Variants in ORC5 observed in about 807,000 individuals in gnomAD.
ORC5 encodes protein phosphatase 1, regulatory subunit 117.
A neutral mutation model predicts 58.8 loss-of-function variants in ORC5; 39 were observed. The observed-to-expected ratio is 0.66, with a 90% CI of 0.51 to 0.87. The LOEUF is 0.87. Among genes scored for constraint, ORC5 ranks in the 40% least tolerant of loss-of-function variants. The pLI, the probability that ORC5 is intolerant of heterozygous loss-of-function variation, is 0.00. For missense variants in ORC5, 493 were observed against 506.3 expected (o/e 0.97, Z 0.25); for synonymous variants, 218 against 177.6 (o/e 1.23, Z -1.81).
intron 4 of ORC5, among the ~76,000 whole-genome samples, chr7:104,196,138 A>C (rs1799795748): frequency 6.6e-6 from 1 of 152,204 alleles, no homozygotes; most frequent in African/African-American, 2.4e-5. Flanking sequence ...TGTAATTGAA[A>C]CTAAAAAACG....
intron 11 of ORC5, 76 bp downstream of exon 11, chr7:104,165,154 AAATAC>A: frequency 2.8e-6 from 2 of 719,624 alleles, no homozygotes; most frequent in South Asian, 3.5e-5. Flanking sequence ...TTCAAATGAC[AAATAC>A]AATTACAGAT....
Position 104,207,825 on chromosome 7 carries a change from T to A in ORC5, c.72+8A>T, listed in dbSNP as rs527372092. ...TCCAGGATCTGGAAGACAGTTTAACTACAATACCTCTCCAAACAAGGACTG... is the reference window on the plus strand; with the variant it reads ...TCCAGGATCTGGAAGACAGTTTAACAACAATACCTCTCCAAACAAGGACTG... On this transcript the variant is annotated splice_region_variant and intron_variant, in intron 1 of 13. Transcript: ENST00000297431. The A allele has an allele frequency of 6.2e-7, 1 of 1,612,772 alleles. No homozygotes were observed. The highest frequency in any genetic ancestry group is 1.1e-5 in the South Asian group (1 of 91,054).
intron 12 of ORC5, among the ~76,000 whole-genome samples, chr7:104,140,904 T>C (rs1798663509): frequency 1.3e-5 from 2 of 152,332 alleles, no homozygotes; most frequent in South Asian, 4.1e-4. Context: ...CTGAAAAGGT[T>C]TGCTGACCTC....
chr7:104,130,103 G>A (rs1318038901), intron 13 of ORC5, among the ~76,000 whole-genome samples: 1 of 150,616 alleles, frequency 6.6e-6, no homozygotes, highest in East Asian at 1.9e-4. Context: ...ACAACTTTAA[G>A]TTGTAACCTC....
rs990375125 is a variant in ORC5 at position 104,166,853 on chromosome 7, T to C, written c.909A>G (p.Pro303=). 2.5e-6 allele frequency: 4 copies of C among 1,611,616 alleles called. No individual in the cohort carries two copies. Among genetic ancestry groups the C allele is most frequent in the South Asian group, 1.1e-5 (1 of 90,930 alleles). ...GLSAHTHVEL[P]YYSKFILIAA... Reference sequence around the variant, plus strand: ...CAATTAGAATGAACTTAGAGTAATATGGAAGTTCCACATGAGTATGCGCTG... The same window carrying C: ...CAATTAGAATGAACTTAGAGTAATACGGAAGTTCCACATGAGTATGCGCTG... The change falls in exon 10 of 14, where the codon CCA becomes CCG. Residue 303 remains proline, a synonymous_variant. Coordinates refer to ENST00000297431, the MANE Select transcript of ORC5 (RefSeq NM_002553.4).
rs201585797 is a variant in ORC5 at position 104,168,443 on chromosome 7, C to T, written c.877+30G>A. ...TGATAATTAGCTGAAGAAGTATCTC[C>T]GGTAACTGTCTCAATACTTCCTCTG... On this transcript the variant is annotated intron_variant, in intron 9 of 13. Transcript: ENST00000297431. 63 of 1,604,860 alleles carry T rather than the reference C, an allele frequency of 3.9e-5. No homozygotes were observed. The South Asian group carries it at 5.9e-4, about 15-fold the overall frequency.
intron 2 of ORC5, among the ~76,000 whole-genome samples, chr7:104,201,640 A>G (rs1251761592): frequency 2.0e-5 from 3 of 151,256 alleles, no homozygotes; most frequent in African/African-American, 4.9e-5. Flanking sequence ...AAAAAAAAAA[A>G]AAAGAAAAGA....
chr7:104,145,785 T>G (rs1798744334), intron 12 of ORC5, among the ~76,000 whole-genome samples: 1 of 152,100 alleles, frequency 6.6e-6, no homozygotes, highest in African/African-American at 2.4e-5. Flanking sequence ...GGTGCGAGTC[T>G]TAGAATTCCC....
chr7:104,185,812 T>C (rs1417918819), intron 6 of ORC5, among the ~76,000 whole-genome samples: 1 of 151,916 alleles, frequency 6.6e-6, no homozygotes, highest in Non-Finnish European at 1.5e-5. Flanking sequence ...ATATATATAT[T>C]AGTTTGTTCC....
At chr7:104,184,240 A>G (rs1018017096) in intron 6 of ORC5, 69 bp from the exon 7 acceptor site, 1 of 1,044,104 alleles carries the variant, frequency 9.6e-7, no homozygotes, top group Non-Finnish European at 1.4e-6. Context: ...TTTATTTTTC[A>G]AGTAAAATCT....
chr7:104,171,384 TA>T (rs1799208182), intron 8 of ORC5, among the ~76,000 whole-genome samples: 1 of 152,146 alleles, frequency 6.6e-6, no homozygotes, highest in Non-Finnish European at 1.5e-5. Flanking sequence ...AATGCAGGGG[TA>T]AGGTTGCGGA....
rs1339818825 is a variant in ORC5 at position 104,138,804 on chromosome 7, C to T, written c.1150-1911G>A. On this transcript the variant is annotated intron_variant, in intron 12 of 13. Transcript: ENST00000297431. The surrounding 1 kb of genome is among the most constrained non-coding windows in gnomAD (Gnocchi z 4.7). ...GGGATTAGAGGCGTGAGCCCCCGCA[C>T]CCAACCATTGCTTTAAAACTTATTG... 6.6e-6 allele frequency among the ~76,000 whole-genome samples: 1 copy of T among 152,186 alleles called. No individual in the cohort carries two copies. The highest frequency in any genetic ancestry group is 1.5e-5 in the Non-Finnish European group (1 of 68,034).
chr7:104,151,542 C>A (rs149289352), intron 12 of ORC5, among the ~76,000 whole-genome samples: 1 of 152,114 alleles, frequency 6.6e-6, no homozygotes, highest in Non-Finnish European at 1.5e-5. Context: ...CATCTAATAA[C>A]GCGTATACTA....
intron 5 of ORC5, among the ~76,000 whole-genome samples, chr7:104,193,594 C>T (rs1020222352): frequency 6.6e-6 from 1 of 151,922 alleles, no homozygotes; most frequent in East Asian, 1.9e-4. Flanking sequence ...CAAGTTATTA[C>T]GACAAGGTAA....
At chr7:104,184,478 T>C (rs145655201) in intron 6 of ORC5, 4,921 of 266,684 alleles carry the variant, frequency 0.018, 79 homozygotes, top group Middle Eastern at 0.03. Context: ...AAAAATGTAA[T>C]TGTAGCTTAT....
chr7:104,204,244 GAA>G lies in ORC5; in HGVS notation c.73-12_73-11del. ...AGCTGAAATGATGTCTCTAACGAGAGAAAAGACAAATATGAGGCTGCACATAC... is the reference window on the plus strand; with the variant it reads ...AGCTGAAATGATGTCTCTAACGAGAGAAGACAAATATGAGGCTGCACATAC... On this transcript the variant is annotated splice_polypyrimidine_tract_variant and intron_variant, in intron 1 of 13. Transcript: ENST00000297431. The G allele has an allele frequency of 6.7e-7, 1 of 1,489,344 alleles. No homozygotes were observed. The highest frequency in any genetic ancestry group is 1.2e-5 in the South Asian group (1 of 82,284). 92.3% of individuals were successfully genotyped at this position (1,489,344 alleles called of 1,614,324 possible). A position where few individuals can be genotyped will look rare whatever the true frequency, so the allele number is the denominator to read the frequency against.
chr7:104,134,682 C>A (rs770494416), intron 13 of ORC5, among the ~76,000 whole-genome samples: 1 of 152,094 alleles, frequency 6.6e-6, no homozygotes, highest in Non-Finnish European at 1.5e-5. Context: ...TGAGAAAATA[C>A]ATAGCTACAA....
chr7:104,129,511 T>C lies in ORC5; in HGVS notation c.1263-2618A>G, dbSNP rs182232648. ...CCAATATAAATAGGTAACTTGCCAA[T>C]TGATCTCACATATATTATTTTAAGA... On this transcript the variant is annotated intron_variant, in intron 13 of 13. Coordinates refer to ENST00000297431, the MANE Select transcript of ORC5 (RefSeq NM_002553.4). This position sits in a 1 kb window ranked among gnomAD's most constrained non-coding sequence, Gnocchi z 4.9. Among the ~76,000 whole-genome samples the C allele has an allele frequency of 7.2e-5, 11 of 152,346 alleles. No homozygotes were observed. In the East Asian group the frequency reaches 1.2e-3, roughly 16 times the overall value.
chr7:104,126,863 C>T lies in ORC5; in HGVS notation c.1293G>A (p.Leu431=). The stretch of plus-strand genomic sequence containing the variant: ...AAGCTTGTTTTCACAAGAAATCATA[C>T]AAGTATTTTATTATGTCAAAGTTCA... ...RTVNFDIIKY[L]YDFL The change falls in exon 14 of 14, where the codon TTG becomes TTA. Residue 431 remains leucine, a synonymous_variant. Coordinates refer to ENST00000297431, the MANE Select transcript of ORC5 (RefSeq NM_002553.4). 1 of 1,607,060 alleles carries T rather than the reference C, an allele frequency of 6.2e-7. No homozygotes were observed. Among genetic ancestry groups the T allele is most frequent in the Non-Finnish European group, 8.5e-7 (1 of 1,175,296 alleles).
Sources: gnomAD v4.1 joint callset for allele counts (sites outside exome capture counted in the v4.1 genomes callset) on GRCh38, gnomAD v4.1.1 for gene constraint, Gnocchi (gnomAD v3.1) non-coding constraint, MANE v1.5 for transcripts, NCBI Gene and HGNC (gene_info 2026-07-23, HGNC 2026-07-21) for gene names.